Variants in TOX observed in about 807,000 individuals in gnomAD.
The protein encoded by TOX is thymocyte selection associated high mobility group box.
In TOX, 11 loss-of-function variants were observed where a neutral mutation model predicts 53.7. The observed-to-expected ratio is 0.20, with a 90% CI of 0.13 to 0.34. The LOEUF is 0.34. TOX is among the 10% of genes least tolerant of loss of function. TOX has a pLI of 1.00. For synonymous variants in TOX, 225 were observed against 245.3 expected (o/e 0.92, Z 0.77); for missense variants, 570 against 664.6 (o/e 0.86, Z 1.56).
intron 3 of TOX, among the ~76,000 whole-genome samples, chr8:58,877,416 G>A (rs907886864): frequency 6.6e-6 from 1 of 152,214 alleles, no homozygotes; most frequent in East Asian, 1.9e-4. Context: ...CAGAGGGAAT[G>A]TGTGGTCCCG....
At chr8:59,010,677 A>C (rs1159610944) in intron 1 of TOX, among the ~76,000 whole-genome samples, 1 of 152,218 alleles carries the variant, frequency 6.6e-6, no homozygotes. Flanking sequence ...CCTACCACAT[A>C]GTGTTATCAT....
At chr8:59,102,528 C>T (rs111365136) in intron 1 of TOX, among the ~76,000 whole-genome samples, 4 of 152,098 alleles carry the variant, frequency 2.6e-5, no homozygotes, top group East Asian at 1.9e-4. Flanking sequence ...TGTGCCCAGT[C>T]GAAACTCCCG....
At chr8:58,920,721 T>A (rs908296585) in intron 3 of TOX, among the ~76,000 whole-genome samples, 82 of 80,972 alleles carry the variant, frequency 1.0e-3, no homozygotes, top group African/African-American at 1.4e-3. Context: ...AAAAAAACAT[T>A]AAAAAAAAAA....
intron 1 of TOX, among the ~76,000 whole-genome samples, chr8:59,079,891 C>G (rs1302121385): frequency 6.6e-6 from 1 of 152,218 alleles, no homozygotes; most frequent in Admixed American, 6.5e-5. Flanking sequence ...CCCTGCAAAG[C>G]CACAGGAGTG....
chr8:58,929,341 G>A (rs969611775), intron 3 of TOX, among the ~76,000 whole-genome samples: 1 of 151,952 alleles, frequency 6.6e-6, no homozygotes, highest in Admixed American at 6.6e-5. Context: ...AACCCTCCAG[G>A]ACTTCATACC....
chr8:59,035,297 G>T lies in TOX; in HGVS notation c.103-75289C>A, dbSNP rs149608841. Among the ~76,000 whole-genome samples the T allele has an allele frequency of 3.3e-5, 5 of 151,142 alleles. No individual in the cohort carries two copies. The East Asian group carries it at 9.7e-4, about 29-fold the overall frequency. Reference sequence around the variant, plus strand: ...CATAAATGTGTGTAGATGAAAATTAGAGCCAATAATTTAATGCAAGTTATG... The same window carrying T: ...CATAAATGTGTGTAGATGAAAATTATAGCCAATAATTTAATGCAAGTTATG... On this transcript the variant is annotated intron_variant, in intron 1 of 8. Transcript: ENST00000361421.
chr8:59,016,363 G>T (rs1178037897), intron 1 of TOX, among the ~76,000 whole-genome samples: 1 of 151,996 alleles, frequency 6.6e-6, no homozygotes, highest in Admixed American at 6.6e-5. Flanking sequence ...CTTAATTAAA[G>T]TATCAATTTA....
At chr8:59,063,843 A>G (rs532658022) in intron 1 of TOX, among the ~76,000 whole-genome samples, 1 of 152,282 alleles carries the variant, frequency 6.6e-6, no homozygotes, top group Non-Finnish European at 1.5e-5. Context: ...CTATAGACAT[A>G]TCTAAGTAAA....
chr8:59,114,771 T>C (rs1413868664), intron 1 of TOX, among the ~76,000 whole-genome samples: 3 of 152,248 alleles, frequency 2.0e-5, no homozygotes, highest in African/African-American at 7.2e-5. Context: ...ATAGGAATAA[T>C]GACTCCTTCT....
At chr8:58,999,092 T>C (rs407016) in intron 1 of TOX, among the ~76,000 whole-genome samples, 94,870 of 152,088 alleles carry the variant, frequency 0.62, 30,444 homozygotes, top group South Asian at 0.75. Context: ...TGGAAAGAAA[T>C]TAAATGCAAA....
chr8:58,817,940 G>A (rs1044588199), intron 6 of TOX, among the ~76,000 whole-genome samples: 2 of 151,372 alleles, frequency 1.3e-5, no homozygotes, highest in Non-Finnish European at 2.9e-5. Context: ...TAAAAATATC[G>A]AATTCAAAAT....
intron 1 of TOX, among the ~76,000 whole-genome samples, chr8:59,101,965 C>G (rs563456928): frequency 6.6e-6 from 1 of 152,294 alleles, no homozygotes; most frequent in South Asian, 2.1e-4. Context: ...TGCCCAGAAA[C>G]AGAAGCCCAC....
intron 2 of TOX, among the ~76,000 whole-genome samples, chr8:58,958,027 T>C (rs1313116440): frequency 2.0e-5 from 3 of 152,232 alleles, no homozygotes; most frequent in African/African-American, 7.2e-5. Context: ...TATCTTACAC[T>C]AGTCTAAATT....
intron 1 of TOX, among the ~76,000 whole-genome samples, chr8:58,965,452 G>T (rs1812876025): frequency 6.6e-6 from 1 of 152,050 alleles, no homozygotes; most frequent in South Asian, 2.1e-4. Flanking sequence ...AGCAATATCT[G>T]AACATAGCGA....
intron 2 of TOX, among the ~76,000 whole-genome samples, chr8:58,954,298 T>G (rs987524111): frequency 6.6e-6 from 1 of 152,236 alleles, no homozygotes; most frequent in African/African-American, 2.4e-5. Context: ...TTGCTAAATG[T>G]CTGCAATGCA....
intron 3 of TOX, among the ~76,000 whole-genome samples, chr8:58,887,559 C>A (rs990786082): frequency 1.3e-5 from 2 of 151,920 alleles, no homozygotes; most frequent in East Asian, 1.9e-4. Context: ...GCAAAGTAGT[C>A]TCTTATGAGT....
chr8:58,957,184 C>T (rs1294843029), intron 2 of TOX, among the ~76,000 whole-genome samples: 2 of 152,122 alleles, frequency 1.3e-5, no homozygotes, highest in African/African-American at 4.8e-5. Flanking sequence ...GGTTTGGAAA[C>T]ACAAAGAAAT....
intron 3 of TOX, among the ~76,000 whole-genome samples, chr8:58,931,408 T>C (rs1812251536): frequency 6.6e-6 from 1 of 152,120 alleles, no homozygotes; most frequent in Admixed American, 6.6e-5. Flanking sequence ...ATTGGGGTTA[T>C]TTGGGCCAGA....
At chr8:59,050,740 G>A (rs1360393432) in intron 1 of TOX, among the ~76,000 whole-genome samples, 21 of 152,082 alleles carry the variant, frequency 1.4e-4, no homozygotes, top group Non-Finnish European at 1.6e-4. Context: ...TGTGTGCTAA[G>A]TATTTTTTCA....
Sources: allele counts gnomAD v4.1 joint callset (sites outside exome capture counted in the v4.1 genomes callset), GRCh38; gene constraint gnomAD v4.1.1; transcripts MANE v1.5; gene names NCBI Gene and HGNC (gene_info 2026-07-23, HGNC 2026-07-21).